Variants in GLMN observed in about 807,000 individuals in gnomAD.
The protein encoded by GLMN is glomulin, FKBP associated protein, also known as glomulin.
In GLMN, 75 loss-of-function variants were observed where a neutral mutation model predicts 87.8. That is an observed-to-expected ratio of 0.85 (90% CI 0.71 to 1.04). The LOEUF (loss-of-function observed/expected upper bound fraction) is 1.04, where lower values mean the gene tolerates loss of function less well. Ranked by LOEUF, GLMN falls within the 50% of genes least tolerant of loss-of-function variation. The probability of loss-of-function intolerance (pLI) is 0.00; values close to 1 mark genes in which losing one functional copy is unlikely to be tolerated. For synonymous variants in GLMN, 206 were observed against 221.6 expected (o/e 0.93, Z 0.63); for missense variants, 588 against 658.8 (o/e 0.89, Z 1.18).
chr1:92,290,399 AT>A, intron 4 of GLMN, 93 bp from the exon 5 acceptor site: 1 of 748,442 alleles, frequency 1.3e-6, no homozygotes, highest in Non-Finnish European at 2.4e-6. Context: ...TCGACAAAAT[AT>A]TATACAATTA....
At chr1:92,338,256 A>C in the GLMN span, among the ~76,000 whole-genome samples, 2 of 152,206 alleles carry the variant, frequency 1.3e-5, no homozygotes, top group African/African-American at 4.8e-5. Flanking sequence ...ATTAGGTGTC[A>C]TGAAAACTAT....
chr1:92,253,458 C>T (rs1305038565), intron 16 of GLMN, among the ~76,000 whole-genome samples: 2 of 152,176 alleles, frequency 1.3e-5, no homozygotes, highest in Non-Finnish European at 2.9e-5. Flanking sequence ...CCTGACCCCT[C>T]GTGCTTCCTG....
intron 13 of GLMN, among the ~76,000 whole-genome samples, chr1:92,266,215 A>G (rs959950626): frequency 6.6e-6 from 1 of 152,232 alleles, no homozygotes; most frequent in Non-Finnish European, 1.5e-5. Flanking sequence ...TTAGTCATAC[A>G]AAATATAGAC....
At chr1:92,361,334 T>G in the GLMN span, among the ~76,000 whole-genome samples, 2 of 152,138 alleles carry the variant, frequency 1.3e-5, no homozygotes, top group Admixed American at 6.6e-5. Context: ...ATTACTTTTG[T>G]CTTCCTAGTG....
intron 1 of GLMN, 98 bp downstream of exon 1, chr1:92,298,827 C>T (rs1650507750): frequency 2.6e-6 from 1 of 387,320 alleles, no homozygotes; most frequent in African/African-American, 2.1e-5. Context: ...GGCTCCACCA[C>T]CTCGCGTGGC....
At chr1:92,296,517 G>A (rs1300946366) in intron 3 of GLMN, among the ~76,000 whole-genome samples, 1 of 152,102 alleles carries the variant, frequency 6.6e-6, no homozygotes, top group Admixed American at 6.5e-5. Context: ...GAAGCATGGG[G>A]AAACCACCCC....
chr1:92,261,830 TAGAC>T (rs748712515), intron 16 of GLMN, among the ~76,000 whole-genome samples: 34 of 152,056 alleles, frequency 2.2e-4, no homozygotes, highest in African/African-American at 6.3e-4. Context: ...GACGGAGTGA[TAGAC>T]AGAGGGTGGA....
At chr1:92,336,284 A>G in the GLMN span, 1 of 1,103,648 alleles carries the variant, frequency 9.1e-7, no homozygotes, top group Non-Finnish European at 1.4e-6. Flanking sequence ...AGATCTAGGC[A>G]TGACCCAAAA....
At chr1:92,257,074 A>G (rs1280887590) in intron 16 of GLMN, among the ~76,000 whole-genome samples, 2 of 152,244 alleles carry the variant, frequency 1.3e-5, no homozygotes, top group African/African-American at 4.8e-5. Context: ...ATACAAAATC[A>G]ATGTGCAAAA....
chr1:92,307,465 A>G, the GLMN span, among the ~76,000 whole-genome samples: 2 of 152,228 alleles, frequency 1.3e-5, no homozygotes, highest in Non-Finnish European at 2.9e-5. Context: ...AAATGCATAC[A>G]TACAAATGTT....
intron 7 of GLMN, among the ~76,000 whole-genome samples, chr1:92,285,841 T>C (rs1178370097): frequency 6.6e-6 from 1 of 152,214 alleles, no homozygotes; most frequent in East Asian, 1.9e-4. Context: ...TATTTCAGAT[T>C]ATTTCTCTAA....
upstream of GLMN, chr1:92,301,361 A>T: frequency 5.1e-6 from 2 of 390,578 alleles, no homozygotes; most frequent in Non-Finnish European, 9.0e-6. Flanking sequence ...AAAATTTTTT[A>T]AATATATTTA....
chr1:92,281,483 T>C (rs765828726), intron 7 of GLMN, among the ~76,000 whole-genome samples: 19 of 151,960 alleles, frequency 1.3e-4, no homozygotes, highest in Non-Finnish European at 2.8e-4. Flanking sequence ...TAAACATGAA[T>C]AGGAACGACC....
intron 3 of GLMN, among the ~76,000 whole-genome samples, chr1:92,292,430 A>G (rs1473486103): frequency 6.6e-6 from 1 of 151,842 alleles, no homozygotes; most frequent in African/African-American, 2.4e-5. Flanking sequence ...ATTTATTTTG[A>G]AACTGAGTCT....
At chr1:92,345,989 A>G in the GLMN span, 1 of 1,054,108 alleles carries the variant, frequency 9.5e-7, no homozygotes, top group Non-Finnish European at 1.4e-6. Flanking sequence ...AAAGTGATCC[A>G]CTGATTTTGT....
chr1:92,324,263 G>C, the GLMN span: 1 of 1,614,040 alleles, frequency 6.2e-7, no homozygotes, highest in South Asian at 1.1e-5. Flanking sequence ...CCACTGCCAA[G>C]TTACGAGAAT....
At chr1:92,336,315 T>G in the GLMN span, 1 of 1,514,536 alleles carries the variant, frequency 6.6e-7, no homozygotes, top group East Asian at 2.3e-5. Context: ...TATAATTTTG[T>G]TTTAAAATAA....
chr1:92,264,440 TTAAG>T (rs769829964), intron 14 of GLMN, 110 bp downstream of exon 14: 1 of 641,188 alleles, frequency 1.6e-6, no homozygotes. Context: ...TTAATAATAT[TTAAG>T]TAATAGTAAT....
At chr1:92,283,107 A>G (rs1242912318) in intron 7 of GLMN, among the ~76,000 whole-genome samples, 3 of 152,182 alleles carry the variant, frequency 2.0e-5, no homozygotes, top group Non-Finnish European at 4.4e-5. Flanking sequence ...AAAAGAGGGA[A>G]TCCTCCCTAA....
Sources: allele counts gnomAD v4.1 joint callset (sites outside exome capture counted in the v4.1 genomes callset), GRCh38; gene constraint gnomAD v4.1.1; transcripts MANE v1.5; gene names NCBI Gene and HGNC (gene_info 2026-07-23, HGNC 2026-07-21).